Variants in CARMIL3 observed in about 807,000 individuals in gnomAD.
CARMIL3 encodes the protein capping protein, Arp2/3 and myosin-I linker protein 3.
In CARMIL3, 88 loss-of-function variants were observed where a neutral mutation model predicts 180.8. The observed-to-expected ratio is 0.49, with a 90% CI of 0.41 to 0.58. The LOEUF is 0.58. CARMIL3 is among the 20% of genes least tolerant of loss of function. The pLI is 0.00. For synonymous variants in CARMIL3, 696 were observed against 714.5 expected (o/e 0.97, Z 0.41); for missense variants, 1,548 against 1,787.0 (o/e 0.87, Z 2.41).
rs944882302 is a variant in CARMIL3, at chr14:24,061,178, C to G, written c.2304+138C>G. The G allele has an allele frequency of 1.4e-6, 1 of 731,966 alleles. No homozygotes were observed. Among genetic ancestry groups the G allele is most frequent in the Non-Finnish European group, 2.3e-6 (1 of 444,096 alleles). 45.3% of individuals were successfully genotyped at this position (731,966 alleles called of 1,614,324 possible). On this transcript the variant is annotated intron_variant, in intron 26 of 39. Transcript: ENST00000342740. This position sits in a 1 kb window ranked among gnomAD's most constrained non-coding sequence, Gnocchi z 4.1. Reference sequence around the variant, plus strand: ...AGAGTTGAGACCACCCACGCTCCCACTGTACCAAGGCATTGCTGCAATATC... The same window carrying G: ...AGAGTTGAGACCACCCACGCTCCCAGTGTACCAAGGCATTGCTGCAATATC...
rs1468645580 is a variant in CARMIL3 at position 24,065,622 on chromosome 14, G to A, written c.3397G>A (p.Gly1133Ser). 6.2e-7 allele frequency: 1 copy of A among 1,606,746 alleles called. No individual in the cohort carries two copies. Among genetic ancestry groups the A allele is most frequent in the Non-Finnish European group, 8.5e-7 (1 of 1,177,230 alleles). Reference protein sequence around the residue: ...GRGPSFRRKMGTEGSEPGEGG... With the variant: ...GRGPSFRRKMSTEGSEPGEGG... ...TAATAAATAAGAGACCTTGTTCTAG[G>A]GCACTGAGGGGTCAGAGCCAGGGGA... Residue 1133 changes from glycine (G) to serine (S), a missense_variant and splice_region_variant, in exon 34 of 40, where the codon GGC becomes AGC. Gly to Ser is a moderately conservative substitution (Grantham distance 56). Coordinates refer to ENST00000342740, the MANE Select transcript of CARMIL3 (RefSeq NM_138360.4).
Position 24,060,681 on chromosome 14 carries a change from A to G in CARMIL3, c.2115A>G (p.Leu705=), listed in dbSNP as rs1951635. The G allele has an allele frequency of 0.9, 1,445,874 of 1,613,968 alleles. 648,663 individuals carry two copies. The highest frequency in any genetic ancestry group is 1 in the East Asian group (44,844 of 44,878). ...RVQEEVRALR[L]CPLEPVQDEL... ...AGGAGGAGGTGCGGGCCCTGAGACT[A>G]TGCCCCCTGGAGCCTGTGCAGGATG... Residue 705 remains leucine, a synonymous_variant, in exon 25 of 40, where the codon CTA becomes CTG. Coordinates refer to ENST00000342740, the MANE Select transcript of CARMIL3 (RefSeq NM_138360.4).
chr14:24,057,923 A>ACC, intron 15 of CARMIL3, 37 bp from the exon 16 acceptor site: 1 of 1,611,628 alleles, frequency 6.2e-7, no homozygotes, highest in Non-Finnish European at 8.5e-7. Context: ...GACATGGCCA[A>ACC]CCCCCTCCCT....
At chr14:24,063,267 C>G in intron 30 of CARMIL3, 58 bp from the exon 31 acceptor site, 2 of 1,591,874 alleles carry the variant, frequency 1.3e-6, no homozygotes, top group Non-Finnish European at 1.7e-6. Context: ...TCTCTGTCTC[C>G]CCATCCTGCT....
chr14:24,061,462 C>T lies in CARMIL3; in HGVS notation c.2305-35C>T. ...GTGGTGCCAGCCCTGATCCTGTCCCCCTTGGGCCTCTGGCCTCCCTTTCCC... is the reference window on the plus strand; with the variant it reads ...GTGGTGCCAGCCCTGATCCTGTCCCTCTTGGGCCTCTGGCCTCCCTTTCCC... On this transcript the variant is annotated intron_variant, in intron 26 of 39. Coordinates refer to ENST00000342740, the MANE Select transcript of CARMIL3 (RefSeq NM_138360.4). The surrounding 1 kb of genome is among the most constrained non-coding windows in gnomAD (Gnocchi z 4.1). The T allele has an allele frequency of 6.3e-7, 1 of 1,598,396 alleles. No homozygotes were observed. Among genetic ancestry groups the T allele is most frequent in the African/African-American group, 1.3e-5 (1 of 74,810 alleles).
At chr14:24,056,890 C>T (rs763575990) in intron 12 of CARMIL3, 25 bp from the exon 13 acceptor site, 1 of 1,610,864 alleles carries the variant, frequency 6.2e-7, no homozygotes. Context: ...AGGGGCCAAC[C>T]CAGCCCAGTG....
At chr14:24,066,813 T>C (rs956792153) in intron 36 of CARMIL3, among the ~76,000 whole-genome samples, 157 bp downstream of exon 36, 1 of 152,154 alleles carries the variant, frequency 6.6e-6, no homozygotes, top group Non-Finnish European at 1.5e-5. Context: ...CAAAGCTATA[T>C]CCAAAAGAGA....
rs763314436 is a variant in CARMIL3 at position 24,058,652 on chromosome 14, C to T, written c.1393-28C>T. The stretch of plus-strand genomic sequence containing the variant: ...TGCCCTACCCCCACCCCAACCCCTG[C>T]CTTCCCTACCTCACCTTGTCCCTGC... On this transcript the variant is annotated intron_variant, in intron 17 of 39. Transcript: ENST00000342740. The surrounding 1 kb of genome is among the most constrained non-coding windows in gnomAD (Gnocchi z 6.4). 1.9e-6 allele frequency: 3 copies of T among 1,609,402 alleles called. No individual in the cohort carries two copies. The African/African-American group carries it at 4.0e-5, about 21-fold the overall frequency.
chr14:24,064,150 A>G (rs536165974), intron 31 of CARMIL3, 96 bp from the exon 32 acceptor site: 4 of 797,844 alleles, frequency 5.0e-6, no homozygotes, highest in South Asian at 3.2e-5. Context: ...CTACATTTCC[A>G]TAAATGTCCA....
At position 24,062,845 on chromosome 14, in the gene CARMIL3, T is replaced by C. The variant is rs2035746225; in HGVS notation, c.2705T>C (p.Ile902Thr). 2 of 1,605,304 alleles carry C rather than the reference T, an allele frequency of 1.2e-6. No homozygotes were observed. Among genetic ancestry groups the C allele is most frequent in the Non-Finnish European group, 1.7e-6 (2 of 1,176,198 alleles). Residue 902 changes from isoleucine (I) to threonine (T), a missense_variant and splice_region_variant, in exon 29 of 40, where the codon ATT (isoleucine) becomes ACT (threonine). By Grantham distance (89) the Ile-to-Thr change is moderately conservative (BLOSUM62 -1). Coordinates refer to ENST00000342740, the MANE Select transcript of CARMIL3 (RefSeq NM_138360.4). ...ETTDDELGTN[I>T]DTMAIKKQKR... Reference sequence around the variant, plus strand: ...ACAGATGATGAACTTGGGACCAACATTGTGAGCCCCCCGCTCCCTGCTCCT... The same window carrying C: ...ACAGATGATGAACTTGGGACCAACACTGTGAGCCCCCCGCTCCCTGCTCCT...
chr14:24,062,992 T>C, intron 29 of CARMIL3, 128 bp from the exon 30 acceptor site: 1 of 1,538,234 alleles, frequency 6.5e-7, no homozygotes, highest in Non-Finnish European at 8.8e-7. Context: ...CAGCCCAACC[T>C]CTTCCCTCAT....
At chr14:24,064,814 G>C (rs1038349615) in intron 32 of CARMIL3, 144 bp from the exon 33 acceptor site, 2 of 853,162 alleles carry the variant, frequency 2.3e-6, no homozygotes, top group Non-Finnish European at 3.7e-6. Flanking sequence ...GGACAGGAAA[G>C]GCAAGGGCAT....
At chr14:24,065,583 C>T (rs559713547) in intron 33 of CARMIL3, 39 bp from the exon 34 acceptor site, 92 of 1,570,080 alleles carry the variant, frequency 5.9e-5, no homozygotes, top group Non-Finnish European at 7.2e-5. Context: ...GAGCCCCCTT[C>T]GACTGGGAAC....
chr14:24,066,672 T>C lies in CARMIL3; in HGVS notation c.3682+16T>C. The C allele has an allele frequency of 1.2e-6, 2 of 1,612,948 alleles. No homozygotes were observed. The highest frequency in any genetic ancestry group is 1.7e-6 in the Non-Finnish European group (2 of 1,179,084). On this transcript the variant is annotated intron_variant, in intron 36 of 39. Transcript: ENST00000342740. ...TGGCACATAGGTATGGAAAGCCTCT[T>C]TTCAGGCAGCAGTACTGAAAGCCCA...
intron 33 of CARMIL3, 50 bp from the exon 34 acceptor site, chr14:24,065,572 G>A (rs12590548): frequency 0.31 from 480,923 of 1,557,012 alleles, 76,208 homozygotes; most frequent in East Asian, 0.53. Context: ...CACAGCCTGG[G>A]GAGCCCCCTT....
At chr14:24,068,243 A>G (rs773867052) in intron 36 of CARMIL3, among the ~76,000 whole-genome samples, 1 of 152,122 alleles carries the variant, frequency 6.6e-6, no homozygotes, top group African/African-American at 2.4e-5. Context: ...CTAAAAATAC[A>G]AAAATTAGCT....
intron 10 of CARMIL3, 151 bp downstream of exon 10, chr14:24,055,940 A>C: frequency 1.3e-6 from 1 of 766,930 alleles, no homozygotes; most frequent in Non-Finnish European, 2.2e-6. Flanking sequence ...GGCACAAAGC[A>C]AGTCGGAGGT....
intron 34 of CARMIL3, 85 bp from the exon 35 acceptor site, chr14:24,066,313 G>A: frequency 1.4e-6 from 2 of 1,464,724 alleles, no homozygotes; most frequent in Admixed American, 3.8e-5. Flanking sequence ...AGAATGACAT[G>A]GAGATGCTAG....
Position 24,065,229 on chromosome 14 carries a change from C to A in CARMIL3, c.3352C>A (p.Pro1118Thr). Residue 1118 changes from proline (P) to threonine (T), a missense_variant, in exon 33 of 40, where the codon CCT becomes ACT. By Grantham distance (38) the Pro-to-Thr change is conservative (BLOSUM62 -1). Around this residue, in one of 4 missense-constraint regions of CARMIL3, gnomAD observed 668 missense variants for 687.8 expected, o/e 0.97. Coordinates refer to ENST00000342740, the MANE Select transcript of CARMIL3 (RefSeq NM_138360.4). ...WSPEEESSLLPGFGGGRGPSF... is the reference protein window; with the variant it reads ...WSPEEESSLLTGFGGGRGPSF... Reference sequence around the variant, plus strand: ...CCCAGAGGAGGAGAGCAGCCTCCTCCCTGGATTTGGTGGGGGCCGGGGACC... The same window carrying A: ...CCCAGAGGAGGAGAGCAGCCTCCTCACTGGATTTGGTGGGGGCCGGGGACC... 1 of 1,553,712 alleles carries A rather than the reference C, an allele frequency of 6.4e-7. No individual in the cohort carries two copies. The highest frequency in any genetic ancestry group is 8.6e-7 in the Non-Finnish European group (1 of 1,156,914).
Sources: gnomAD v4.1 joint callset for allele counts (sites outside exome capture counted in the v4.1 genomes callset) on GRCh38, gnomAD v4.1.1 for gene constraint, gnomAD v4.1.1 regional missense constraint, Gnocchi (gnomAD v3.1) non-coding constraint, MANE v1.5 for transcripts, NCBI Gene and HGNC (gene_info 2026-07-23, HGNC 2026-07-21) for gene names.